The following TET1 variants were observed in gnomAD, a reference collection of about 807,000 sequenced individuals.
TET1 encodes the protein methylcytosine dioxygenase TET1.
In TET1, 13 loss-of-function variants were observed where a neutral mutation model predicts 148.7. The ratio of observed to expected loss-of-function variants is 0.09; its 90% CI spans 0.06 to 0.14. The LOEUF is 0.14. Ranked by LOEUF, TET1 falls within the 10% of genes least tolerant of loss-of-function variation. TET1 has a pLI of 1.00. For missense variants in TET1, 2,182 were observed against 2,553.8 expected (o/e 0.85, Z 3.14); for synonymous variants, 907 against 937.2 (o/e 0.97, Z 0.59).
At chr10:68,627,225 C>T (rs1457904652) in intron 3 of TET1, among the ~76,000 whole-genome samples, 3 of 151,910 alleles carry the variant, frequency 2.0e-5, no homozygotes, top group Non-Finnish European at 2.9e-5. Context: ...CTGGCCAACA[C>T]GGTAAAACCC....
Position 68,645,529 on chromosome 10 carries a change from C to T in TET1, c.2800C>T (p.Leu934Phe), listed in dbSNP as rs2054829883. ...TTTGCTTAATAGCTGCAAAGCTATC[C>T]TCTACACTGTAAGAAAAGACCTCCA... is the stretch of plus-strand genomic sequence containing the variant. ...ASLLNSCKAI[L>F]YTVRKDLQDP... The change falls in exon 4 of 12, where the codon CTC (leucine) becomes TTC (phenylalanine). Residue 934 changes from leucine to phenylalanine, a missense_variant. Transcript: ENST00000373644. The T allele has an allele frequency of 6.2e-7, 1 of 1,613,978 alleles. No individual in the cohort carries two copies. The highest frequency in any genetic ancestry group is 1.3e-5 in the African/African-American group (1 of 74,918).
Position 68,573,678 on chromosome 10 carries a change from C to T in TET1, c.1340C>T (p.Ser447Phe), listed in dbSNP as rs1325065132. 5 of 1,614,154 alleles carry T rather than the reference C, an allele frequency of 3.1e-6. No individual in the cohort carries two copies. The highest frequency in any genetic ancestry group is 4.2e-6 in the Non-Finnish European group (5 of 1,180,034). The change falls in exon 2 of 12, where the codon TCC becomes TTC. Residue 447 changes from serine (S) to phenylalanine (F), a missense_variant. Physicochemically the swap from Ser to Phe is radical, Grantham distance 155. Transcript: ENST00000373644. The part of the protein sequence containing the change: ...PNPIATFNAP[S>F]KWPEPQSTVS... ...CCAATTGCTACCTTTAATGCTCCTT[C>T]CAAATGGCCTGAGCCCCAAAGCACT...
rs1161653280 is a variant in TET1, at chr10:68,646,501, G to A, written c.3772G>A (p.Glu1258Lys). ...ATCAGCAGAGGAAAAGGTGAAGGTT[G>A]AACCATTGGATTCACTCAGCTTATT... ...PESAEEKVKV[E>K]PLDSLSLFHL... is the part of the protein sequence containing the mutation. The change falls in exon 4 of 12, where the codon GAA becomes AAA. Residue 1258 changes from glutamate (E) to lysine (K), a missense_variant. Glu to Lys is a moderately conservative substitution (Grantham distance 56, BLOSUM62 1). This residue lies in a region of TET1 where 582 missense variants were observed against 599.5 expected (regional missense o/e 0.97). Coordinates refer to ENST00000373644, the MANE Select transcript of TET1 (RefSeq NM_030625.3). 1.2e-6 allele frequency: 2 copies of A among 1,614,094 alleles called. No homozygotes were observed. Among genetic ancestry groups the A allele is most frequent in the Non-Finnish European group, 1.7e-6 (2 of 1,180,008 alleles).
chr10:68,667,814 T>C (rs1229689130), intron 7 of TET1, among the ~76,000 whole-genome samples: 5 of 151,902 alleles, frequency 3.3e-5, no homozygotes, highest in African/African-American at 7.2e-5. Context: ...TGAAAGAATA[T>C]TGCTGACCCA....
intron 5 of TET1, among the ~76,000 whole-genome samples, 173 bp downstream of exon 5, chr10:68,652,109 A>G (rs1210501843): frequency 6.6e-6 from 1 of 152,226 alleles, no homozygotes; most frequent in East Asian, 1.9e-4. Context: ...TGAGCCACCC[A>G]TCATACAAGC....
intron 3 of TET1, among the ~76,000 whole-genome samples, chr10:68,640,774 A>G (rs2054740838): frequency 6.6e-6 from 1 of 151,082 alleles, no homozygotes; most frequent in South Asian, 2.1e-4. Flanking sequence ...GATGGTCTCT[A>G]TCTCCTGACC....
At position 68,573,422 on chromosome 10, in the gene TET1, A is replaced by C. The variant is rs753507163; in HGVS notation, c.1084A>C (p.Thr362Pro). The C allele has an allele frequency of 3.1e-6, 5 of 1,613,886 alleles. No individual in the cohort carries two copies. The South Asian group carries it at 5.5e-5, about 18-fold the overall frequency. ...AAATCAACAGGAAGTTTCTGATACC[A>C]CCTCTTTCCTAGGACAGGCCTTTGG... The part of the protein sequence containing the change: ...TANQQEVSDT[T>P]SFLGQAFGAI... Residue 362 changes from threonine (T) to proline (P), a missense_variant, in exon 2 of 12, where the codon ACC (threonine) becomes CCC (proline). Physicochemically the swap from Thr to Pro is conservative, Grantham distance 38. Around this residue, in one of 11 missense-constraint regions of TET1, gnomAD observed 665 missense variants for 672.4 expected, o/e 0.99. Transcript: ENST00000373644.
At chr10:68,579,404 T>C (rs979137083) in intron 2 of TET1, among the ~76,000 whole-genome samples, 2 of 152,180 alleles carry the variant, frequency 1.3e-5, no homozygotes, top group Admixed American at 1.3e-4. Context: ...ACCTCTCCAT[T>C]TTCTTGGCCA....
chr10:68,656,317 C>T (rs2055020951), intron 6 of TET1, among the ~76,000 whole-genome samples: 1 of 152,198 alleles, frequency 6.6e-6, no homozygotes, highest in African/African-American at 2.4e-5. Flanking sequence ...GGCTGGAGTG[C>T]AGTGGCTCAA....
intron 3 of TET1, among the ~76,000 whole-genome samples, chr10:68,602,702 G>C (rs1021860180): frequency 6.6e-6 from 1 of 152,140 alleles, no homozygotes; most frequent in Admixed American, 6.5e-5. Flanking sequence ...AAGAATAAAA[G>C]TGCCTGTGGG....
At position 68,691,150 on chromosome 10, in the gene TET1, C is replaced by A; in HGVS notation, c.5747C>A (p.Pro1916His). 6.2e-7 allele frequency: 1 copy of A among 1,614,198 alleles called. No homozygotes were observed. The highest frequency in any genetic ancestry group is 1.1e-5 in the South Asian group (1 of 91,090). The change falls in exon 12 of 12, where the codon CCT (proline) becomes CAT (histidine). Residue 1916 changes from proline (P) to histidine (H), a missense_variant. Physicochemically the swap from Pro to His is moderately conservative, Grantham distance 77. Coordinates refer to ENST00000373644, the MANE Select transcript of TET1 (RefSeq NM_030625.3). The surrounding 1 kb of genome is among the most constrained non-coding windows in gnomAD (Gnocchi z 4.4). The stretch of plus-strand genomic sequence containing the variant: ...GCTCCTCTCCCCACCCTGTCTGCTC[C>A]TGTGATGGAGCCCCTCATTAATTCT... ...EVAPLPTLSA[P>H]VMEPLINSEP... is the part of the protein sequence containing the mutation.
At position 68,568,207 on chromosome 10, in the gene TET1, C is replaced by T. The variant is rs934059642; in HGVS notation, c.-122-4010C>T. ...CTTTGGGATTACAGGTGTGAGCCAC[C>T]GCGCCCAGTCTTTTTTTTTTTTTTT... On this transcript the variant is annotated intron_variant, in intron 1 of 11. Transcript: ENST00000373644. Among the ~76,000 whole-genome samples the T allele has an allele frequency of 2.8e-5, 4 of 145,076 alleles. No individual in the cohort carries two copies. The East Asian group carries it at 8.4e-4, about 30-fold the overall frequency.
intron 3 of TET1, among the ~76,000 whole-genome samples, chr10:68,621,810 T>C (rs1050400589): frequency 1.3e-5 from 2 of 152,194 alleles, no homozygotes; most frequent in African/African-American, 4.8e-5. Context: ...ATGTACATTA[T>C]GAAATCCATT....
At chr10:68,607,590 G>A (rs1228759113) in intron 3 of TET1, among the ~76,000 whole-genome samples, 1 of 151,374 alleles carries the variant, frequency 6.6e-6, no homozygotes, top group African/African-American at 2.4e-5. Context: ...ACACCACCAT[G>A]CCCAGATAAT....
At chr10:68,565,475 A>AAGAAAT (rs1388182777) in intron 1 of TET1, among the ~76,000 whole-genome samples, 1 of 129,232 alleles carries the variant, frequency 7.7e-6, no homozygotes, top group Non-Finnish European at 1.6e-5. Flanking sequence ...AAAAAAAAAA[A>AAGAAAT]ATATATATAT....
At chr10:68,563,789 C>G (rs1002240595) in intron 1 of TET1, among the ~76,000 whole-genome samples, 8 of 152,212 alleles carry the variant, frequency 5.3e-5, no homozygotes, top group African/African-American at 1.9e-4. Context: ...TCAAGCAGTT[C>G]TCCTGCCTCA....
chr10:68,628,243 G>A (rs1251475619), intron 3 of TET1, among the ~76,000 whole-genome samples: 1 of 152,174 alleles, frequency 6.6e-6, no homozygotes, highest in Non-Finnish European at 1.5e-5. Context: ...CACTGCCCCC[G>A]GCCGAAATGA....
chr10:68,565,464 T>TA (rs199760806), intron 1 of TET1, among the ~76,000 whole-genome samples: 4,669 of 107,784 alleles, frequency 0.043, 198 homozygotes, highest in African/African-American at 0.11. Context: ...AGACCCTGTT[T>TA]AAAAAAAAAA....
chr10:68,679,321 G>A (rs1277363001), intron 8 of TET1, among the ~76,000 whole-genome samples: 2 of 152,162 alleles, frequency 1.3e-5, no homozygotes. Flanking sequence ...TCCTCAGTAG[G>A]ACTTGTGACT....
Sources: allele counts gnomAD v4.1 joint callset (sites outside exome capture counted in the v4.1 genomes callset), GRCh38; gene constraint gnomAD v4.1.1; regional missense constraint gnomAD v4.1.1; non-coding constraint Gnocchi (gnomAD v3.1); transcripts MANE v1.5; gene names NCBI Gene and HGNC (gene_info 2026-07-23, HGNC 2026-07-21).